Variants in STPG2 observed in about 807,000 individuals in gnomAD.
STPG2 encodes the protein sperm tail PG-rich repeat containing 2, also known as sperm-tail PG-rich repeat-containing protein 2.
In STPG2, 56 loss-of-function variants were observed where a neutral mutation model predicts 54.2. That is an observed-to-expected ratio of 1.03 (90% CI 0.83 to 1.29). The LOEUF (loss-of-function observed/expected upper bound fraction) is 1.29, where lower values mean the gene tolerates loss of function less well. Ranked by LOEUF, STPG2 falls within the 50% of genes most tolerant of loss-of-function variation. STPG2 has a pLI of 0.00. For synonymous variants in STPG2, 200 were observed against 181.8 expected, an observed-to-expected ratio of 1.10 and a Z score of -0.81; for missense variants, 596 against 544.9, an observed-to-expected ratio of 1.09 and a Z score of -0.93.
At chr4:97,770,431 A>G (rs917946257) in intron 9 of STPG2, among the ~76,000 whole-genome samples, 1 of 152,188 alleles carries the variant, frequency 6.6e-6, no homozygotes, top group Non-Finnish European at 1.5e-5. Context: ...AAGAACTGCC[A>G]TGTGCCTAGA....
intron 4 of STPG2, among the ~76,000 whole-genome samples, chr4:97,525,583 A>G (rs1388923826): frequency 6.6e-6 from 1 of 151,986 alleles, no homozygotes; most frequent in East Asian, 1.9e-4. Context: ...TAACAATATC[A>G]AGGTATTAAA....
intron 5 of STPG2, chr4:98,025,981 G>A: frequency 4.3e-6 from 5 of 1,171,966 alleles, no homozygotes; most frequent in Admixed American, 1.7e-5. Context: ...GAAGCACATT[G>A]TGGGCCAGAA....
In STPG2 at chr4:97,794,609, T is replaced by C. The variant is rs949117318; in HGVS notation, c.1204+46164A>G. Among the ~76,000 whole-genome samples the C allele has an allele frequency of 2.6e-5, 4 of 152,126 alleles. No individual in the cohort carries two copies. In the East Asian group the frequency reaches 7.7e-4, roughly 29 times the overall value. Reference sequence around the variant, plus strand: ...CTAAAGCTACCATATGAAACTACCATACCATAGAGTGTTGAGTTTTAATAA... The same window carrying C: ...CTAAAGCTACCATATGAAACTACCACACCATAGAGTGTTGAGTTTTAATAA... On this transcript the variant is annotated intron_variant, in intron 9 of 10. Transcript: ENST00000295268.
intron 10 of STPG2, among the ~76,000 whole-genome samples, chr4:97,664,736 G>C (rs1173742951): frequency 6.6e-6 from 1 of 151,940 alleles, no homozygotes; most frequent in Non-Finnish European, 1.5e-5. Context: ...GTTATGTCAC[G>C]GGATCCTTGG....
intron 9 of STPG2, among the ~76,000 whole-genome samples, chr4:97,793,410 T>C (rs1015270506): frequency 2.1e-4 from 30 of 143,756 alleles, no homozygotes; most frequent in Admixed American, 9.0e-4. Flanking sequence ...CACAGAGAAA[T>C]AGCATACATA....
intron 10 of STPG2, among the ~76,000 whole-genome samples, chr4:97,683,607 T>A (rs1723097419): frequency 6.6e-6 from 1 of 151,658 alleles, no homozygotes; most frequent in Non-Finnish European, 1.5e-5. Context: ...TAGGAATAAA[T>A]GGGAAGCTCC....
intron 8 of STPG2, among the ~76,000 whole-genome samples, chr4:97,897,576 T>C (rs1336550855): frequency 1.3e-5 from 2 of 152,136 alleles, no homozygotes; most frequent in Non-Finnish European, 1.5e-5. Flanking sequence ...CTGTTATTTT[T>C]TGACTTTTTA....
chr4:97,959,600 T>G (rs557764398), intron 7 of STPG2, among the ~76,000 whole-genome samples: 71 of 151,704 alleles, frequency 4.7e-4, no homozygotes, highest in African/African-American at 1.7e-3. Flanking sequence ...CTAGAAAACC[T>G]AGAGGAGATG....
intron 3 of STPG2, among the ~76,000 whole-genome samples, chr4:98,125,512 A>C (rs1408811029): frequency 2.0e-5 from 3 of 152,020 alleles, no homozygotes; most frequent in Non-Finnish European, 2.9e-5. Context: ...TGGGGGCTGC[A>C]AAACAGCAAA....
At chr4:97,528,543 A>G (rs1035748034) in intron 4 of STPG2, among the ~76,000 whole-genome samples, 2 of 152,014 alleles carry the variant, frequency 1.3e-5, no homozygotes, top group African/African-American at 4.8e-5. Flanking sequence ...AAGAAAGCCA[A>G]TGGTACCTTG....
At chr4:97,855,092 T>C (rs928344027) in intron 8 of STPG2, among the ~76,000 whole-genome samples, 1 of 152,228 alleles carries the variant, frequency 6.6e-6, no homozygotes, top group African/African-American at 2.4e-5. Context: ...TTATTCCTTT[T>C]TATGGCTGCA....
rs1308732536 is a variant in STPG2, at chr4:97,740,736, T to C, written c.1205-27922A>G. On this transcript the variant is annotated intron_variant, in intron 9 of 10. Coordinates refer to ENST00000295268, the MANE Select transcript of STPG2 (RefSeq NM_174952.3). ...GAGGATACAAACAAATGGAAGAACA[T>C]TCAATGCTCATGAGTAGGAAGAATC... Among the ~76,000 whole-genome samples, 4 of 152,304 alleles carry C rather than the reference T, an allele frequency of 2.6e-5. No homozygotes were observed. In the South Asian group the frequency reaches 6.2e-4, roughly 24 times the overall value.
chr4:98,108,132 T>C (rs1175994554), intron 4 of STPG2, among the ~76,000 whole-genome samples: 3 of 152,116 alleles, frequency 2.0e-5, no homozygotes, highest in East Asian at 1.9e-4. Flanking sequence ...AACTGGCACA[T>C]AGCAAGAATT....
intron 7 of STPG2, among the ~76,000 whole-genome samples, chr4:97,948,272 A>G (rs1302847112): frequency 6.6e-6 from 1 of 151,820 alleles, no homozygotes; most frequent in African/African-American, 2.4e-5. Flanking sequence ...AATGTCTCCA[A>G]TTTTATTTCT....
chr4:97,475,483 T>C (rs1045527529), intron 4 of STPG2, among the ~76,000 whole-genome samples: 3 of 149,324 alleles, frequency 2.0e-5, no homozygotes, highest in South Asian at 4.2e-4. Flanking sequence ...ATAATACATA[T>C]ATAATATATG....
chr4:98,111,462 C>G (rs1435786532), intron 3 of STPG2, among the ~76,000 whole-genome samples: 1 of 152,082 alleles, frequency 6.6e-6, no homozygotes, highest in Non-Finnish European at 1.5e-5. Flanking sequence ...GTTAGAGAGG[C>G]ACCACTCCAG....
chr4:97,997,931 A>T (rs533387284), intron 5 of STPG2, among the ~76,000 whole-genome samples: 4 of 152,212 alleles, frequency 2.6e-5, no homozygotes, highest in Non-Finnish European at 4.4e-5. Context: ...AAAATGAAAA[A>T]TTTTTTTAAA....
chr4:97,819,003 G>A (rs1208215404), intron 9 of STPG2, among the ~76,000 whole-genome samples: 2 of 147,850 alleles, frequency 1.4e-5, no homozygotes, highest in African/African-American at 4.9e-5. Context: ...TATAAAAAGT[G>A]TCCAAAGAAA....
At position 98,109,356 on chromosome 4, in the gene STPG2, G is replaced by A. The variant is rs1489763827; in HGVS notation, c.388-51C>T. ...TGAGGATGAAACATAGTTTAAATAAGTCATGAAACAATGTTTGGCTTTACC... is the reference window on the plus strand; with the variant it reads ...TGAGGATGAAACATAGTTTAAATAAATCATGAAACAATGTTTGGCTTTACC... On this transcript the variant is annotated intron_variant, in intron 3 of 10. Transcript: ENST00000295268. The A allele has an allele frequency of 5.2e-6, 7 of 1,355,702 alleles. No individual in the cohort carries two copies. The South Asian group carries it at 6.5e-5, about 13-fold the overall frequency. The allele number at this position is 1,355,702 out of a possible 1,614,324, so 84.0% of individuals were successfully genotyped here. A position where few individuals can be genotyped will look rare whatever the true frequency, so the allele number is the denominator to read the frequency against.
Sources: gnomAD v4.1 joint callset for allele counts (sites outside exome capture counted in the v4.1 genomes callset) on GRCh38, gnomAD v4.1.1 for gene constraint, MANE v1.5 for transcripts, NCBI Gene and HGNC (gene_info 2026-07-23, HGNC 2026-07-21) for gene names.